The following ATP6V1B2 variants were observed in gnomAD, a reference collection of about 807,000 sequenced individuals.
ATP6V1B2 encodes ATPase H+ transporting V1 subunit B2, also known as V-type proton ATPase subunit B, brain isoform.
A neutral mutation model predicts 66.7 loss-of-function variants in ATP6V1B2; 23 were observed. That is an observed-to-expected ratio of 0.34 (90% CI 0.25 to 0.49). The LOEUF (loss-of-function observed/expected upper bound fraction) is 0.49. Among genes scored for constraint, ATP6V1B2 ranks in the 20% least tolerant of loss-of-function variants. The pLI, the probability that ATP6V1B2 is intolerant of heterozygous loss-of-function variation, is 0.99. For missense variants in ATP6V1B2, 478 were observed against 650.8 expected, an observed-to-expected ratio of 0.73 and a Z score of 2.89; for synonymous variants, 278 against 236.7, an observed-to-expected ratio of 1.17 and a Z score of -1.60.
chr8:20,218,738 C>G (rs1253476930), intron 13 of ATP6V1B2, among the ~76,000 whole-genome samples: 1 of 152,178 alleles, frequency 6.6e-6, no homozygotes, highest in African/African-American at 2.4e-5. Context: ...TGCTTTCCCT[C>G]CCAGCGTCCA....
intron 13 of ATP6V1B2, among the ~76,000 whole-genome samples, chr8:20,218,524 C>G (rs1483957481): frequency 1.3e-5 from 2 of 152,120 alleles, no homozygotes; most frequent in Non-Finnish European, 2.9e-5. Flanking sequence ...TCTTCCATCG[C>G]CCTTCTGAAT....
chr8:20,202,248 G>A (rs2072695328), intron 1 of ATP6V1B2, among the ~76,000 whole-genome samples: 1 of 152,282 alleles, frequency 6.6e-6, no homozygotes, highest in Admixed American at 6.5e-5. Context: ...TTGGGCTGTA[G>A]TAGAGTCAAA....
chr8:20,214,337 G>A (rs79358334), intron 9 of ATP6V1B2: 6,652 of 152,394 alleles, frequency 0.044, 173 homozygotes, highest in East Asian at 0.068. Context: ...ATTGGAGGTA[G>A]CACCTTCCTC....
chr8:20,207,479 G>C (rs977985997), intron 2 of ATP6V1B2, among the ~76,000 whole-genome samples: 1 of 152,026 alleles, frequency 6.6e-6, no homozygotes, highest in African/African-American at 2.4e-5. Flanking sequence ...ACAGAAGACC[G>C]TTTTTGGGTG....
intron 3 of ATP6V1B2, 71 bp from the exon 4 acceptor site, chr8:20,210,275 A>C: frequency 7.6e-7 from 1 of 1,315,808 alleles, no homozygotes; most frequent in Non-Finnish European, 1.1e-6. Flanking sequence ...GCTGTTTAAC[A>C]GACAAATAAA....
chr8:20,217,816 A>AT (rs1039017870), intron 12 of ATP6V1B2, among the ~76,000 whole-genome samples: 11 of 152,082 alleles, frequency 7.2e-5, no homozygotes, highest in Non-Finnish European at 1.3e-4. Context: ...GATATCACAG[A>AT]TTTTTTTTGA....
At chr8:20,197,664 C>T (rs2072642752) in intron 1 of ATP6V1B2, 122 bp downstream of exon 1, 1 of 1,189,530 alleles carries the variant, frequency 8.4e-7, no homozygotes, top group African/African-American at 1.6e-5. Context: ...CGTCTCCCCT[C>T]CGACCCTGAC....
chr8:20,198,503 T>G (rs1489772137), intron 1 of ATP6V1B2, among the ~76,000 whole-genome samples: 1 of 152,232 alleles, frequency 6.6e-6, no homozygotes, highest in Non-Finnish European at 1.5e-5. Context: ...AATGCAGTTG[T>G]GTAGCATCCA....
chr8:20,207,602 G>A (rs1249531381), intron 2 of ATP6V1B2, among the ~76,000 whole-genome samples: 3 of 151,540 alleles, frequency 2.0e-5, no homozygotes, highest in African/African-American at 7.3e-5. Context: ...AGAAAAGACC[G>A]TTTTTATGAC....
intron 1 of ATP6V1B2, among the ~76,000 whole-genome samples, chr8:20,202,074 T>C (rs1297421355): frequency 6.6e-6 from 1 of 152,232 alleles, no homozygotes; most frequent in Non-Finnish European, 1.5e-5. Context: ...CACCTGTCAG[T>C]ACTGCCACAT....
intron 4 of ATP6V1B2, 23 bp downstream of exon 4, chr8:20,210,462 A>C: frequency 6.2e-7 from 1 of 1,609,150 alleles, no homozygotes; most frequent in Non-Finnish European, 8.5e-7. Context: ...TATTCATTCT[A>C]AGCCGAGATC....
rs1347259658 is a variant in ATP6V1B2, at chr8:20,211,736, G to A, written c.688G>A (p.Val230Ile). The change falls in exon 7 of 14, where the codon GTA (valine) becomes ATA (isoleucine). Residue 230 changes from valine to isoleucine, a missense_variant. Val to Ile is a conservative substitution (Grantham distance 29, BLOSUM62 3). Transcript: ENST00000276390. The stretch of plus-strand genomic sequence containing the variant: ...CTACAGTGAGGAAAATTTTGCAATT[G>A]TATTTGCTGCTATGGGTGTAAGTAG... ...VDYSEENFAI[V>I]FAAMGVNMET... The A allele has an allele frequency of 3.1e-6, 5 of 1,607,998 alleles. No homozygotes were observed. Among genetic ancestry groups the A allele is most frequent in the Non-Finnish European group, 3.4e-6 (4 of 1,178,502 alleles).
chr8:20,217,344 A>ATT lies in ATP6V1B2; in HGVS notation c.1266+20_1266+21insTT. ...CAGCTAGTATGTACATTCTTCTAAG[A>ATT]ATGGTGTTTGAAAATATGGATACGT... On this transcript the variant is annotated intron_variant, in intron 12 of 13. Coordinates refer to ENST00000276390, the MANE Select transcript of ATP6V1B2 (RefSeq NM_001693.4). The ATT allele has an allele frequency of 6.3e-7, 1 of 1,583,482 alleles. No individual in the cohort carries two copies.
At position 20,212,120 on chromosome 8, in the gene ATP6V1B2, C is replaced by T. The variant is rs748057717; in HGVS notation, c.724C>T (p.Arg242Trp). 9 of 1,613,476 alleles carry T rather than the reference C, an allele frequency of 5.6e-6. No homozygotes were observed. The South Asian group carries it at 7.7e-5, about 14-fold the overall frequency. The change falls in exon 8 of 14, where the codon CGG becomes TGG. Residue 242 changes from arginine (R) to tryptophan (W), a missense_variant. By Grantham distance (101) the Arg-to-Trp change is moderately radical (BLOSUM62 -3). Coordinates refer to ENST00000276390, the MANE Select transcript of ATP6V1B2 (RefSeq NM_001693.4). Reference protein sequence around the residue: ...AAMGVNMETARFFKSDFEENG... With the variant: ...AAMGVNMETAWFFKSDFEENG... ...TATTTAGGTAAACATGGAAACTGCC[C>T]GGTTCTTCAAATCTGACTTTGAAGA...
rs142276473 is a variant in ATP6V1B2, at chr8:20,212,642, A to T, written c.804-140A>T. On this transcript the variant is annotated intron_variant, in intron 8 of 13. Coordinates refer to ENST00000276390, the MANE Select transcript of ATP6V1B2 (RefSeq NM_001693.4). ...TAATACCTTACTTAAGAATTTGTAA[A>T]ATAACAACTGCTTTACTCTCCTCAA... is the stretch of plus-strand genomic sequence containing the variant. The T allele has an allele frequency of 1.2e-3, 1,496 of 1,260,978 alleles. 14 individuals are homozygous for T. The African/African-American group carries it at 0.02, about 17-fold the overall frequency. 78.1% of individuals were successfully genotyped at this position (1,260,978 alleles called of 1,614,324 possible).
intron 13 of ATP6V1B2, among the ~76,000 whole-genome samples, 160 bp downstream of exon 13, chr8:20,218,442 C>T (rs999868054): frequency 3.3e-5 from 5 of 152,192 alleles, no homozygotes; most frequent in African/African-American, 1.2e-4. Flanking sequence ...GGCTTCTCCT[C>T]TGCCTTCTAA....
intron 1 of ATP6V1B2, among the ~76,000 whole-genome samples, chr8:20,199,993 ATTGT>A (rs1563800417): frequency 1.3e-5 from 1 of 79,270 alleles, no homozygotes; most frequent in African/African-American, 5.4e-5. Flanking sequence ...AATTATAGTT[ATTGT>A]GTGTGTGTGT....
chr8:20,218,388 C>A, intron 13 of ATP6V1B2, 106 bp downstream of exon 13: 1 of 1,439,198 alleles, frequency 6.9e-7, no homozygotes, highest in Non-Finnish European at 9.3e-7. Context: ...AGTTATTTCT[C>A]TGGTTAGAGA....
chr8:20,199,601 TG>T (rs1401678168), intron 1 of ATP6V1B2, among the ~76,000 whole-genome samples: 11 of 129,466 alleles, frequency 8.5e-5, no homozygotes, highest in Admixed American at 8.0e-4. Flanking sequence ...TTAATTTTTG[TG>T]GGTTTTTTTT....
Sources: gnomAD v4.1 joint callset for allele counts (sites outside exome capture counted in the v4.1 genomes callset) on GRCh38, gnomAD v4.1.1 for gene constraint, MANE v1.5 for transcripts, NCBI Gene and HGNC (gene_info 2026-07-23, HGNC 2026-07-21) for gene names.